The following SPATA31G1 variants were observed in gnomAD, a reference collection of about 807,000 sequenced individuals.
SPATA31G1 encodes spermatogenesis-associated protein 31G1.
the SPATA31G1 span, chr9:35,043,576 T>C: frequency 6.2e-7 from 1 of 1,614,086 alleles, no homozygotes; most frequent in Non-Finnish European, 8.5e-7. Flanking sequence ...CCCCTGGAAG[T>C]TCTCCCTGGA....
chr9:35,045,082 C>T, the SPATA31G1 span: 4 of 1,614,224 alleles, frequency 2.5e-6, no homozygotes, highest in Non-Finnish European at 2.5e-6. Flanking sequence ...CTGAGCTCCA[C>T]AATTCCAGAC....
the SPATA31G1 span, chr9:35,042,784 C>G: frequency 6.5e-7 from 1 of 1,536,600 alleles, no homozygotes. Context: ...GGATATGGAG[C>G]AGACTGAGTG....
the SPATA31G1 span, chr9:35,042,912 A>C: frequency 1.2e-6 from 2 of 1,614,182 alleles, no homozygotes; most frequent in Non-Finnish European, 1.7e-6. Flanking sequence ...GTGTAAGCAG[A>C]AATCAGAAGT....
At chr9:35,043,050 T>G in the SPATA31G1 span, 68 of 1,614,058 alleles carry the variant, frequency 4.2e-5, no homozygotes, top group Non-Finnish European at 5.6e-5. Context: ...CCAGCCATCC[T>G]GTGGTTCTGA....
the SPATA31G1 span, chr9:35,044,675 C>T: frequency 6.2e-7 from 1 of 1,614,130 alleles, no homozygotes; most frequent in Non-Finnish European, 8.5e-7. Flanking sequence ...ACCACTGGGC[C>T]ACTGAGCTCC....
At chr9:35,044,736 G>C in the SPATA31G1 span, 2 of 1,614,208 alleles carry the variant, frequency 1.2e-6, no homozygotes, top group Non-Finnish European at 1.7e-6. Context: ...CATTGACCTT[G>C]AACTTGTGTG....
chr9:35,044,626 A>G, the SPATA31G1 span: 4 of 1,614,186 alleles, frequency 2.5e-6, no homozygotes, highest in Non-Finnish European at 2.5e-6. Flanking sequence ...GACCAAAGCA[A>G]CTATAAGCCT....
the SPATA31G1 span, chr9:35,045,189 G>A: frequency 6.2e-7 from 1 of 1,614,086 alleles, no homozygotes; most frequent in South Asian, 1.1e-5. Context: ...TCAGCGCACA[G>A]TACCTCAGCC....
At chr9:35,042,257 G>A in the SPATA31G1 span, 1 of 1,613,784 alleles carries the variant, frequency 6.2e-7, no homozygotes, top group African/African-American at 1.3e-5. Flanking sequence ...TAAGGGAAAT[G>A]GAATGGCTGC....
the SPATA31G1 span, chr9:35,045,636 G>A: frequency 2.5e-6 from 4 of 1,614,164 alleles, no homozygotes; most frequent in Admixed American, 5.0e-5. Flanking sequence ...TCAACACACT[G>A]CTCTTCCCCA....
the SPATA31G1 span, chr9:35,044,928 T>C: frequency 1.2e-6 from 2 of 1,614,154 alleles, no homozygotes; most frequent in Non-Finnish European, 1.7e-6. Context: ...CTCCCAGAGA[T>C]GGACTGTCCC....
chr9:35,044,879 G>A, the SPATA31G1 span: 8 of 1,614,038 alleles, frequency 5.0e-6, no homozygotes, highest in East Asian at 1.6e-4. Context: ...GTCTACCCAA[G>A]GGAGTAACGT....
At chr9:35,043,716 G>A in the SPATA31G1 span, 1 of 1,614,156 alleles carries the variant, frequency 6.2e-7, no homozygotes, top group East Asian at 2.2e-5. Context: ...AGGAGGACTT[G>A]CTATATCTAA....
the SPATA31G1 span, chr9:35,042,899 C>G: frequency 6.2e-7 from 1 of 1,614,126 alleles, no homozygotes; most frequent in South Asian, 1.1e-5. Context: ...TCCTTGATCA[C>G]CTGTGTAAGC....
chr9:35,043,101 A>AT, the SPATA31G1 span: 1 of 1,614,086 alleles, frequency 6.2e-7, no homozygotes, highest in Non-Finnish European at 8.5e-7. Context: ...GCAAACAGTC[A>AT]TGCAGCCCGT....
chr9:35,045,727 A>G, the SPATA31G1 span: 1 of 1,614,224 alleles, frequency 6.2e-7, no homozygotes, highest in East Asian at 2.2e-5. Context: ...ACCCCTCGCC[A>G]CTGTAAGCAC....
At chr9:35,042,279 C>G in the SPATA31G1 span, 2 of 1,614,090 alleles carry the variant, frequency 1.2e-6, no homozygotes, top group Middle Eastern at 1.6e-4. Context: ...GGAGGACCTG[C>G]TTGGGGCTAA....
At chr9:35,042,684 G>A in the SPATA31G1 span, 3 of 1,161,434 alleles carry the variant, frequency 2.6e-6, no homozygotes, top group Non-Finnish European at 3.7e-6. Flanking sequence ...ATCTCCAAAT[G>A]AGGACTGGGT....
At chr9:35,045,500 A>T in the SPATA31G1 span, 1 of 1,614,112 alleles carries the variant, frequency 6.2e-7, no homozygotes, top group South Asian at 1.1e-5. Context: ...GAGACCATAG[A>T]AGAGGGACTG....
Sources: allele counts gnomAD v4.1 joint callset, GRCh38; gene constraint gnomAD v4.1.1; transcripts MANE v1.5; gene names NCBI Gene and HGNC (gene_info 2026-07-23, HGNC 2026-07-21).